Variants in ZMIZ1 observed in about 807,000 individuals in gnomAD.
ZMIZ1 encodes the protein zinc finger MIZ domain-containing protein 1.
In ZMIZ1, 17 loss-of-function variants were observed where a neutral mutation model predicts 113.9. That is an observed-to-expected ratio of 0.15 (90% CI 0.10 to 0.22). The LOEUF is 0.22. Among genes scored for constraint, ZMIZ1 ranks in the 10% least tolerant of loss-of-function variants. The pLI is 1.00. For synonymous variants in ZMIZ1, 607 were observed against 603.1 expected, an observed-to-expected ratio of 1.01 and a Z score of -0.09; for missense variants, 1,059 against 1,477.8, an observed-to-expected ratio of 0.72 and a Z score of 4.65.
At chr10:79,256,911 G>A (rs1850942645) in intron 7 of ZMIZ1, among the ~76,000 whole-genome samples, 1 of 152,244 alleles carries the variant, frequency 6.6e-6, no homozygotes, top group South Asian at 2.1e-4. Flanking sequence ...AAGAGGTGGG[G>A]AGACCTGAGG....
chr10:79,073,715 G>A (rs1354780843), intron 1 of ZMIZ1, among the ~76,000 whole-genome samples: 2 of 151,942 alleles, frequency 1.3e-5, no homozygotes, highest in Non-Finnish European at 2.9e-5. Context: ...TGCAGAAGGG[G>A]GAAGGGTCTG....
At chr10:79,250,931 G>A (rs1850512562) in intron 7 of ZMIZ1, among the ~76,000 whole-genome samples, 1 of 152,222 alleles carries the variant, frequency 6.6e-6, no homozygotes, top group Non-Finnish European at 1.5e-5. Context: ...GGTACTGGGA[G>A]ACAGAACAGC....
intron 4 of ZMIZ1, among the ~76,000 whole-genome samples, chr10:79,171,580 T>G (rs972757010): frequency 6.6e-6 from 1 of 152,246 alleles, no homozygotes; most frequent in Non-Finnish European, 1.5e-5. Context: ...GAAACAGACC[T>G]GTGCCAGCCA....
At chr10:79,105,653 C>G (rs1323359884) in intron 1 of ZMIZ1, among the ~76,000 whole-genome samples, 1 of 152,190 alleles carries the variant, frequency 6.6e-6, no homozygotes, top group Non-Finnish European at 1.5e-5. Flanking sequence ...CTCCAGCAGG[C>G]AGGCAGCAAA....
At chr10:79,304,884 G>A (rs1398181964) in intron 19 of ZMIZ1, among the ~76,000 whole-genome samples, 2 of 152,208 alleles carry the variant, frequency 1.3e-5, no homozygotes, top group African/African-American at 2.4e-5. Context: ...GCAAAAAACA[G>A]TGAGTCAGCT....
intron 4 of ZMIZ1, among the ~76,000 whole-genome samples, chr10:79,186,078 G>A (rs1847339628): frequency 6.6e-6 from 1 of 152,122 alleles, no homozygotes; most frequent in Non-Finnish European, 1.5e-5. Context: ...GTTTTTGAGG[G>A]CACTGTAGAG....
At chr10:79,188,456 G>A (rs541627150) in intron 4 of ZMIZ1, among the ~76,000 whole-genome samples, 2 of 152,174 alleles carry the variant, frequency 1.3e-5, no homozygotes, top group Non-Finnish European at 2.9e-5. Flanking sequence ...TGGCTGGTTG[G>A]GTATATCCAA....
At chr10:79,096,508 T>G (rs1021728326) in intron 1 of ZMIZ1, among the ~76,000 whole-genome samples, 8 of 151,548 alleles carry the variant, frequency 5.3e-5, no homozygotes, top group Non-Finnish European at 1.0e-4. Context: ...TGAGACTCCG[T>G]CTCAAAAGAA....
rs573042993 is a variant in ZMIZ1 at position 79,239,500 on chromosome 10, G to A, written c.280+23226G>A. Among the ~76,000 whole-genome samples, 166 of 152,268 alleles carry A rather than the reference G, an allele frequency of 1.1e-3. 2 individuals carry two copies. The South Asian group carries it at 0.033, about 31-fold the overall frequency. ...CTACGCCCGCATGGGTGACATCTCC[G>A]AGTCATAGGATCCTTGCTCAGCCCT... On this transcript the variant is annotated intron_variant, in intron 7 of 24. Transcript: ENST00000334512.
At chr10:79,216,058 G>T (rs75665251) in intron 6 of ZMIZ1, 111 bp from the exon 7 acceptor site, 2 of 598,092 alleles carry the variant, frequency 3.3e-6, no homozygotes, top group South Asian at 5.9e-5. Context: ...TCTGCCTAAT[G>T]ATGGGGCACT....
At position 79,129,452 on chromosome 10, in the gene ZMIZ1, T is replaced by A. The variant is rs547815504; in HGVS notation, c.-226-10230T>A. 9.1e-4 allele frequency among the ~76,000 whole-genome samples: 139 copies of A among 152,318 alleles called. 1 individual carries two copies. The highest frequency in any genetic ancestry group is 3.2e-3 in the African/African-American group (131 of 41,574). ...TCCTCTTCTTGGCGCAGGGGCTTGC[T>A]GGTGCAGTCGCTCGGCCCCTTCCCA... On this transcript the variant is annotated intron_variant, in intron 2 of 24. Coordinates refer to ENST00000334512, the MANE Select transcript of ZMIZ1 (RefSeq NM_020338.4).
At chr10:79,134,078 C>T (rs926953470) in intron 2 of ZMIZ1, among the ~76,000 whole-genome samples, 5 of 152,168 alleles carry the variant, frequency 3.3e-5, no homozygotes, top group African/African-American at 9.7e-5. Context: ...ATTTGTACCC[C>T]GGACACCACT....
chr10:79,273,741 G>A (rs941025294), intron 7 of ZMIZ1, among the ~76,000 whole-genome samples: 3 of 152,256 alleles, frequency 2.0e-5, no homozygotes, highest in Non-Finnish European at 4.4e-5. Context: ...TTGCAGGGTG[G>A]AGCTACAATT....
intron 7 of ZMIZ1, among the ~76,000 whole-genome samples, chr10:79,264,222 C>T (rs1352705279): frequency 2.6e-5 from 4 of 152,188 alleles, no homozygotes; most frequent in Non-Finnish European, 4.4e-5. Flanking sequence ...TCCTCACCTC[C>T]CTGCGCAGGC....
At chr10:79,175,661 C>T (rs1460603689) in intron 4 of ZMIZ1, among the ~76,000 whole-genome samples, 2 of 144,132 alleles carry the variant, frequency 1.4e-5, no homozygotes, top group African/African-American at 5.2e-5. Context: ...TGTATGTGTC[C>T]CTCCCCCTGG....
chr10:79,208,237 C>T (rs1848410527), intron 5 of ZMIZ1, 99 bp from the exon 6 acceptor site: 1 of 966,780 alleles, frequency 1.0e-6, no homozygotes, highest in African/African-American at 1.6e-5. Flanking sequence ...TGAACCTCCT[C>T]CCCAGTGAGG....
intron 4 of ZMIZ1, among the ~76,000 whole-genome samples, chr10:79,195,459 C>G (rs1847794004): frequency 6.6e-6 from 1 of 152,346 alleles, no homozygotes; most frequent in Non-Finnish European, 1.5e-5. Context: ...CACCTGGGGC[C>G]AGGCCGACAG....
intron 9 of ZMIZ1, 119 bp downstream of exon 9, chr10:79,290,008 T>A (rs1033508414): frequency 9.9e-7 from 1 of 1,010,302 alleles, no homozygotes; most frequent in African/African-American, 1.6e-5. Flanking sequence ...AAGACCAGCT[T>A]CCAGGGCACA....
intron 8 of ZMIZ1, among the ~76,000 whole-genome samples, chr10:79,284,708 C>T (rs146390788): frequency 6.6e-6 from 1 of 152,128 alleles, no homozygotes; most frequent in Non-Finnish European, 1.5e-5. Context: ...GTAACATGTC[C>T]AAGGCCACAG....
Sources: gnomAD v4.1 joint callset for allele counts (sites outside exome capture counted in the v4.1 genomes callset) on GRCh38, gnomAD v4.1.1 for gene constraint, MANE v1.5 for transcripts, NCBI Gene and HGNC (gene_info 2026-07-23, HGNC 2026-07-21) for gene names.